SMARCA2: variants seen among roughly 807,000 people sequenced by gnomAD.
SMARCA2 encodes the protein SWI/SNF-related matrix-associated actin-dependent regulator of chromatin subfamily A member 2.
SMARCA2 carries 61 observed loss-of-function variants against 199.8 expected under a neutral mutation model. The ratio of observed to expected loss-of-function variants is 0.31; its 90% CI spans 0.25 to 0.38. SMARCA2 has a LOEUF of 0.38. SMARCA2 is among the 10% of genes least tolerant of loss of function. The pLI, the probability that SMARCA2 is intolerant of heterozygous loss-of-function variation, is 1.00. For synonymous variants in SMARCA2, 935 were observed against 732.0 expected (o/e 1.28, Z -4.48); for missense variants, 1,344 against 2,012.2 (o/e 0.67, Z 6.35).
intron 5 of SMARCA2, among the ~76,000 whole-genome samples, chr9:2,049,523 A>G (rs907128337): frequency 6.6e-6 from 1 of 152,124 alleles, no homozygotes; most frequent in African/African-American, 2.4e-5. Context: ...ATAAATGCCT[A>G]CTCTTTTGTA....
chr9:2,101,694 C>T, intron 22 of SMARCA2, 78 bp downstream of exon 22: 1 of 723,124 alleles, frequency 1.4e-6, no homozygotes, highest in Non-Finnish European at 2.4e-6. Context: ...ACAGTGTTTC[C>T]TCTTGTGCAA....
intron 25 of SMARCA2, among the ~76,000 whole-genome samples, chr9:2,116,313 A>G (rs1823214831): frequency 6.6e-6 from 1 of 152,176 alleles, no homozygotes; most frequent in Non-Finnish European, 1.5e-5. Context: ...CAGCTGCTTT[A>G]TTGAACCATC....
intron 19 of SMARCA2, among the ~76,000 whole-genome samples, chr9:2,090,976 A>G (rs954827623): frequency 2.0e-5 from 3 of 152,176 alleles, no homozygotes; most frequent in African/African-American, 7.2e-5. Flanking sequence ...CTTAGCCTGG[A>G]TAAAGAATCC....
chr9:2,065,175 ACT>A (rs1414447124), intron 9 of SMARCA2, among the ~76,000 whole-genome samples: 1 of 151,604 alleles, frequency 6.6e-6, no homozygotes, highest in Non-Finnish European at 1.5e-5. Flanking sequence ...ACAGAGCGAG[ACT>A]CTGTCTCAAA....
intron 9 of SMARCA2, among the ~76,000 whole-genome samples, chr9:2,064,091 G>A (rs940891492): frequency 6.6e-6 from 1 of 152,152 alleles, no homozygotes; most frequent in Non-Finnish European, 1.5e-5. Context: ...TATTATGTGC[G>A]TTTAGCGTGA....
intron 10 of SMARCA2, 137 bp downstream of exon 10, chr9:2,070,608 A>T: frequency 1.6e-6 from 1 of 634,222 alleles, no homozygotes. Context: ...ACATTAGCAT[A>T]GTAGAAAATT....
intron 2 of SMARCA2, among the ~76,000 whole-genome samples, chr9:2,031,247 G>A (rs954041011): frequency 6.6e-6 from 1 of 152,090 alleles, no homozygotes; most frequent in East Asian, 1.9e-4. Context: ...TTGTTAGCTT[G>A]TCAGAGATCT....
At chr9:2,180,004 T>C (rs1485506995) in intron 29 of SMARCA2, among the ~76,000 whole-genome samples, 1 of 152,212 alleles carries the variant, frequency 6.6e-6, no homozygotes, top group Non-Finnish European at 1.5e-5. Flanking sequence ...GGCCCTGTGT[T>C]GAAGGTGATG....
chr9:2,032,905 AT>A, intron 2 of SMARCA2, 46 bp from the exon 3 acceptor site: 1 of 1,569,726 alleles, frequency 6.4e-7, no homozygotes. Context: ...AAATAGAAAT[AT>A]TTTACCTTAT....
rs544252239 is a variant in SMARCA2, at chr9:2,098,568, G to A, written c.3078+1097G>A. The stretch of plus-strand genomic sequence containing the variant: ...TGTACCCATAGACATAGGAGAGAGT[G>A]TGTGGGCATAGAGGAGAATATCCAT... On this transcript the variant is annotated intron_variant, in intron 21 of 33. Transcript: ENST00000349721. 9.2e-4 allele frequency among the ~76,000 whole-genome samples: 140 copies of A among 152,236 alleles called. 1 individual carries two copies. The highest frequency in any genetic ancestry group is 1.8e-3 in the Non-Finnish European group (120 of 68,020).
In SMARCA2 at chr9:2,174,475, C is replaced by T. The variant is rs577739069; in HGVS notation, c.4253+4003C>T. ...GCCATTGTAGGAAAAAGCAGCACTC[C>T]GGTGCCTGCCACGACCCACCCATTT... On this transcript the variant is annotated intron_variant, in intron 29 of 33. Coordinates refer to ENST00000349721, the MANE Select transcript of SMARCA2 (RefSeq NM_003070.5). 5.3e-5 allele frequency among the ~76,000 whole-genome samples: 8 copies of T among 152,246 alleles called. No individual in the cohort carries two copies. The South Asian group carries it at 6.2e-4, about 12-fold the overall frequency.
chr9:2,070,749 A>G (rs967260342), intron 10 of SMARCA2, among the ~76,000 whole-genome samples: 4 of 152,214 alleles, frequency 2.6e-5, no homozygotes, highest in Admixed American at 1.3e-4. Context: ...TTACAAATAT[A>G]TAGGATGTGT....
In SMARCA2 at chr9:2,192,752, T is replaced by G; in HGVS notation, c.*13T>G. 1 of 1,583,494 alleles carries G rather than the reference T, an allele frequency of 6.3e-7. No homozygotes were observed. The highest frequency in any genetic ancestry group is 8.7e-7 in the Non-Finnish European group (1 of 1,153,410). ...GGATGATGAGTGATCAGTATGGACCTTTTTCCTTGGTAGAACTGAATTCCT... is the reference window on the plus strand; with the variant it reads ...GGATGATGAGTGATCAGTATGGACCGTTTTCCTTGGTAGAACTGAATTCCT... On this transcript the variant is annotated 3_prime_UTR_variant, in exon 34 of 34. Transcript: ENST00000349721.
chr9:2,066,308 C>T (rs372535329), intron 9 of SMARCA2, among the ~76,000 whole-genome samples: 2 of 152,272 alleles, frequency 1.3e-5, no homozygotes, highest in South Asian at 4.1e-4. Context: ...ATAAAATGGC[C>T]TACTGAAGTC....
At chr9:2,126,246 A>G (rs1001123615) in intron 27 of SMARCA2, among the ~76,000 whole-genome samples, 2 of 152,392 alleles carry the variant, frequency 1.3e-5, no homozygotes, top group African/African-American at 2.4e-5. Context: ...CTGAAATGCC[A>G]TGCAACATAC....
chr9:2,151,368 A>G (rs555891563), intron 27 of SMARCA2, among the ~76,000 whole-genome samples: 1 of 151,672 alleles, frequency 6.6e-6, no homozygotes, highest in Non-Finnish European at 1.5e-5. Flanking sequence ...ATTTGTTGTG[A>G]TGAGATGTGA....
intron 12 of SMARCA2, 62 bp downstream of exon 12, chr9:2,073,685 C>A: frequency 7.7e-7 from 1 of 1,304,858 alleles, no homozygotes; most frequent in Non-Finnish European, 1.1e-6. Context: ...AGAAATTCTT[C>A]CTGAATGTAA....
chr9:2,039,810 C>T lies in SMARCA2; in HGVS notation c.700C>T (p.Gln234Ter). The change falls in exon 4 of 34, where the codon CAG becomes TAG. Residue 234 changes from glutamine (Q) to a stop codon, truncating the protein, a stop_gained. Transcript: ENST00000349721. LOFTEE classifies it high-confidence loss of function. The surrounding 1 kb of genome is among the most constrained non-coding windows in gnomAD (Gnocchi z 4.8). ...GCAGCAGCAGCAGCAGCAGCAGCAG[C>T]AGCAGCAACAGCAGCCGCAGCAGCA... ...QQQQQQQQQQ[Q>*]QQQQPQQQPP... 6.2e-7 allele frequency: 1 copy of T among 1,607,550 alleles called. No individual in the cohort carries two copies. Among genetic ancestry groups the T allele is most frequent in the Non-Finnish European group, 8.5e-7 (1 of 1,176,974 alleles).
At chr9:2,117,364 T>G (rs1329966100) in intron 25 of SMARCA2, among the ~76,000 whole-genome samples, 4 of 152,206 alleles carry the variant, frequency 2.6e-5, no homozygotes, top group Non-Finnish European at 5.9e-5. Context: ...AAAAAATACA[T>G]ATGCACATGC....
Sources: gnomAD v4.1 joint callset for allele counts (sites outside exome capture counted in the v4.1 genomes callset) on GRCh38, gnomAD v4.1.1 for gene constraint, Gnocchi (gnomAD v3.1) non-coding constraint, MANE v1.5 for transcripts, NCBI Gene and HGNC (gene_info 2026-07-23, HGNC 2026-07-21) for gene names.